Variants in POLQ observed in about 807,000 individuals in gnomAD.
POLQ encodes the protein DNA polymerase theta.
A neutral mutation model predicts 259.2 loss-of-function variants in POLQ; 233 were observed. The ratio of observed to expected loss-of-function variants is 0.90; its 90% confidence interval spans 0.81 to 1.00. The LOEUF is 1.00. POLQ is among the 50% of genes least tolerant of loss of function. POLQ has a pLI of 0.00. For synonymous variants in POLQ, 1,025 were observed against 1,048.8 expected, an observed-to-expected ratio of 0.98 and a Z score of 0.44; for missense variants, 2,871 against 3,051.6, an observed-to-expected ratio of 0.94 and a Z score of 1.39.
chr3:121,473,419 CAG>C lies in POLQ; in HGVS notation c.6472_6473del (p.Leu2158GlyfsTer8), dbSNP rs750172614. ...TGTCAATCCCTCTTCTGGTAGAACC[CAG>C]AGTTTTCTTGCTGCCTTGGTTTTTC... ...EMKNQGSKKT[L>X]GSTRRGIDNG... On this transcript the variant is annotated frameshift_variant, in exon 21 of 30. Coordinates refer to ENST00000264233, the MANE Select transcript of POLQ (RefSeq NM_199420.4). LOFTEE classifies it high-confidence loss of function. 3.1e-6 allele frequency: 5 copies of C among 1,613,992 alleles called. No homozygotes were observed. Among genetic ancestry groups the C allele is most frequent in the Middle Eastern group, 1.7e-4 (1 of 6,060 alleles).
Position 121,514,870 on chromosome 3 carries a change from G to A in POLQ, c.1469-2841C>T, listed in dbSNP as rs181588671. Among the ~76,000 whole-genome samples, 509 of 152,288 alleles carry A rather than the reference G, an allele frequency of 3.3e-3. 2 individuals carry two copies. The highest frequency in any genetic ancestry group is 6.0e-3 in the Non-Finnish European group (411 of 68,028). On this transcript the variant is annotated intron_variant, in intron 9 of 29. Coordinates refer to ENST00000264233, the MANE Select transcript of POLQ (RefSeq NM_199420.4). ...TCTACCTGGCTTGAATCTTTAGATG[G>A]CCAGCCTCCAGGCCCAGCGTCAAAG... is the stretch of plus-strand genomic sequence containing the variant.
At chr3:121,452,647 T>C (rs143425427) in intron 25 of POLQ, among the ~76,000 whole-genome samples, 306 of 152,254 alleles carry the variant, frequency 2.0e-3, no homozygotes, top group Admixed American at 5.0e-3. Flanking sequence ...GAAGCAGTTG[T>C]CTCCGGCGGA....
intron 7 of POLQ, among the ~76,000 whole-genome samples, chr3:121,529,363 A>T (rs779350134): frequency 6.6e-6 from 1 of 152,170 alleles, no homozygotes; most frequent in Non-Finnish European, 1.5e-5. Flanking sequence ...CAAAGATCAA[A>T]CTCTTAAAGC....
rs907222394 is a variant in POLQ at position 121,521,942 on chromosome 3, AAAGTT to A, written c.1255+56_1255+60del. 6.2e-6 allele frequency: 7 copies of A among 1,124,210 alleles called. No individual in the cohort carries two copies. In the African/African-American group the frequency reaches 8.0e-5, roughly 13 times the overall value. The allele number at this position is 1,124,210 out of a possible 1,614,324, so 69.6% of individuals were successfully genotyped here. Reference sequence around the variant, plus strand: ...CAAGAAATAAATGTACACAAATATAAAAGTTAAGACAGTATGAGGAATTTTGGAGG... The same window carrying A: ...CAAGAAATAAATGTACACAAATATAAAAGACAGTATGAGGAATTTTGGAGG... On this transcript the variant is annotated intron_variant, in intron 8 of 29. Coordinates refer to ENST00000264233, the MANE Select transcript of POLQ (RefSeq NM_199420.4).
At position 121,473,386 on chromosome 3, in the gene POLQ, G is replaced by A; in HGVS notation, c.6507C>T (p.Arg2169=). The A allele has an allele frequency of 1.2e-6, 2 of 1,614,068 alleles. No homozygotes were observed. The highest frequency in any genetic ancestry group is 1.7e-6 in the Non-Finnish European group (2 of 1,179,956). Residue 2169 remains arginine, a synonymous_variant, in exon 21 of 30, where the codon CGC becomes CGT. Coordinates refer to ENST00000264233, the MANE Select transcript of POLQ (RefSeq NM_199420.4). ...GSTRRGIDNG[R]KLRLGRQFST... Reference sequence around the variant, plus strand: ...TGAACTGTCTTCCCAGCCTTAGCTTGCGTCCATTGTCAATCCCTCTTCTGG... The same window carrying A: ...TGAACTGTCTTCCCAGCCTTAGCTTACGTCCATTGTCAATCCCTCTTCTGG...
intron 6 of POLQ, 119 bp downstream of exon 6, chr3:121,532,871 A>G: frequency 2.9e-6 from 2 of 681,612 alleles, no homozygotes; most frequent in Non-Finnish European, 2.5e-6. Context: ...TTAGCTTAAT[A>G]TTAATCCTAA....
At chr3:121,496,470 C>T (rs779110944) in intron 14 of POLQ, among the ~76,000 whole-genome samples, 1 of 152,116 alleles carries the variant, frequency 6.6e-6, no homozygotes, top group South Asian at 2.1e-4. Context: ...CCACCGCGCC[C>T]GGCAATCAGT....
In POLQ at chr3:121,481,773, T is replaced by C. The variant is rs2047973574; in HGVS notation, c.6010A>G (p.Thr2004Ala). 6.2e-7 allele frequency: 1 copy of C among 1,613,128 alleles called. No individual in the cohort carries two copies. Among genetic ancestry groups the C allele is most frequent in the Non-Finnish European group, 8.5e-7 (1 of 1,179,360 alleles). ...WLLDPDSQEP[T>A]LHSIVTSFLP... is the part of the protein sequence containing the mutation. ...AAACTGGTAACTATGCTATGAAGAG[T>C]CGGCTCCTGAGAATCTGGATCTAGT... The change falls in exon 19 of 30, where the codon ACT becomes GCT. Residue 2004 changes from threonine to alanine, a missense_variant. Physicochemically the swap from Thr to Ala is moderately conservative, Grantham distance 58. Around this residue, in one of 3 missense-constraint regions of POLQ, gnomAD observed 2,080 missense variants for 2,126.0 expected, o/e 0.98. Coordinates refer to ENST00000264233, the MANE Select transcript of POLQ (RefSeq NM_199420.4).
chr3:121,527,236 T>C (rs1352515646), intron 7 of POLQ, among the ~76,000 whole-genome samples: 1 of 152,050 alleles, frequency 6.6e-6, no homozygotes, highest in Non-Finnish European at 1.5e-5. Context: ...AATTTTTATA[T>C]TTTTTAGTAG....
chr3:121,505,114 C>T (rs1245560480), intron 12 of POLQ, among the ~76,000 whole-genome samples: 3 of 152,142 alleles, frequency 2.0e-5, no homozygotes, highest in African/African-American at 4.8e-5. Context: ...GGAGAGTTCT[C>T]GTGAGATCTG....
At chr3:121,452,026 C>T (rs907586211) in intron 25 of POLQ, among the ~76,000 whole-genome samples, 20 of 152,182 alleles carry the variant, frequency 1.3e-4, no homozygotes, top group African/African-American at 4.1e-4. Flanking sequence ...CCTTGCAGTT[C>T]GATCTCAGAC....
intron 16 of POLQ, among the ~76,000 whole-genome samples, chr3:121,486,611 C>T (rs2048013868): frequency 1.3e-5 from 2 of 151,974 alleles, no homozygotes; most frequent in Admixed American, 1.3e-4. Flanking sequence ...TGCCGGTAAT[C>T]CCAGCACTTT....
At chr3:121,443,942 T>A (rs7621376) in intron 26 of POLQ, among the ~76,000 whole-genome samples, 95,949 of 151,926 alleles carry the variant, frequency 0.63, 30,680 homozygotes, top group East Asian at 0.89. Flanking sequence ...TCTACTGATC[T>A]TTGTGCCTGT....
At chr3:121,514,600 C>T (rs189531744) in intron 9 of POLQ, among the ~76,000 whole-genome samples, 1 of 152,190 alleles carries the variant, frequency 6.6e-6, no homozygotes, top group East Asian at 1.9e-4. Context: ...TTCCAAGAGG[C>T]TTCCCAAGAA....
At chr3:121,532,403 A>T (rs2048417437) in intron 6 of POLQ, among the ~76,000 whole-genome samples, 1 of 152,224 alleles carries the variant, frequency 6.6e-6, no homozygotes, top group African/African-American at 2.4e-5. Context: ...AAACGCTACA[A>T]GATCAGTTAT....
At chr3:121,525,081 A>G (rs1236428590) in intron 7 of POLQ, among the ~76,000 whole-genome samples, 2 of 152,090 alleles carry the variant, frequency 1.3e-5, no homozygotes, top group South Asian at 2.1e-4. Context: ...GTGTCTCACA[A>G]CTGTAATCCC....
intron 12 of POLQ, among the ~76,000 whole-genome samples, chr3:121,502,584 G>C (rs2048180005): frequency 6.6e-6 from 1 of 152,128 alleles, no homozygotes; most frequent in African/African-American, 2.4e-5. Flanking sequence ...ACAGGAGGCA[G>C]GTGGAAGCAA....
intron 26 of POLQ, among the ~76,000 whole-genome samples, chr3:121,445,562 A>G (rs1290071344): frequency 1.3e-5 from 2 of 152,060 alleles, no homozygotes. Context: ...TATCTTTTCA[A>G]AAAACCAACT....
At chr3:121,436,082 TCTC>T in intron 28 of POLQ, 37 bp downstream of exon 28, 1 of 1,479,208 alleles carries the variant, frequency 6.8e-7, no homozygotes, top group Non-Finnish European at 9.3e-7. Context: ...ATACAATTAT[TCTC>T]ATCATGTTAC....
Sources: allele counts gnomAD v4.1 joint callset (sites outside exome capture counted in the v4.1 genomes callset), GRCh38; gene constraint gnomAD v4.1.1; regional missense constraint gnomAD v4.1.1; transcripts MANE v1.5; gene names NCBI Gene and HGNC (gene_info 2026-07-23, HGNC 2026-07-21).